Variants in FAAH2 observed in about 807,000 individuals in gnomAD.
FAAH2 encodes the protein fatty-acid amide hydrolase 2.
Under a neutral mutation model 36.9 loss-of-function variants are expected in FAAH2, and 60 were observed. That is an observed-to-expected ratio of 1.63 (90% CI 1.32 to 2.02). The LOEUF is 2.02. Ranked by LOEUF, FAAH2 falls within the 30% of genes most tolerant of loss-of-function variation. The pLI is 0.00. For missense variants in FAAH2, 689 were observed against 397.5 expected (o/e 1.73, Z -6.23); for synonymous variants, 214 against 143.8 (o/e 1.49, Z -3.49).
At chrX:57,425,767 A>G in intron 7 of FAAH2, among the ~76,000 whole-genome samples, 1 of 111,584 alleles carries the variant, frequency 9.0e-6, no homozygotes, top group South Asian at 3.7e-4. Flanking sequence ...ACACAATAGT[A>G]TAAAACTCAC....
At chrX:57,386,616 C>T (rs933041982) in intron 7 of FAAH2, among the ~76,000 whole-genome samples, 2 of 111,976 alleles carry the variant, frequency 1.8e-5, no homozygotes, top group African/African-American at 3.2e-5. Flanking sequence ...ATTCTAATAA[C>T]TTAATGTACA....
rs2147114856 is a variant in FAAH2 at position 57,432,023 on chromosome X, G to A, written c.1102G>A (p.Gly368Arg). 1 of 1,195,858 alleles carries A rather than the reference G, an allele frequency of 8.4e-7. No homozygotes were observed. The highest frequency in any genetic ancestry group is 3.0e-5 in the East Asian group (1 of 33,420). Residue 368 changes from glycine to arginine, a missense_variant, in exon 8 of 11, where the codon GGA becomes AGA. Transcript: ENST00000374900. ...QLWIAMMSAKGHDGKEPVKFV... is the reference protein window; with the variant it reads ...QLWIAMMSAKRHDGKEPVKFV... Reference sequence around the variant, plus strand: ...GTGGATCGCAATGATGTCAGCAAAGGGACATGATGGGAAGGTATTTTTACC... The same window carrying A: ...GTGGATCGCAATGATGTCAGCAAAGAGACATGATGGGAAGGTATTTTTACC...
intron 10 of FAAH2, among the ~76,000 whole-genome samples, chrX:57,457,429 A>G (rs978843735): frequency 9.0e-6 from 1 of 110,509 alleles, no homozygotes; most frequent in East Asian, 2.9e-4. Flanking sequence ...TATTCAATAT[A>G]GTACTGGATG....
At chrX:57,168,836 A>G in the FAAH2 span, among the ~76,000 whole-genome samples, 1 of 112,397 alleles carries the variant, frequency 8.9e-6, no homozygotes, top group Non-Finnish European at 1.9e-5. Flanking sequence ...TAAATACTAA[A>G]GTGTAATCTT....
At chrX:57,309,290 T>C (rs1373393963) in intron 2 of FAAH2, among the ~76,000 whole-genome samples, 2 of 111,712 alleles carry the variant, frequency 1.8e-5, no homozygotes, top group Non-Finnish European at 3.8e-5. Flanking sequence ...CCTATAATCA[T>C]AGCACCAAAA....
At chrX:57,267,163 C>T in the FAAH2 span, among the ~76,000 whole-genome samples, 3 of 112,725 alleles carry the variant, frequency 2.7e-5, no homozygotes, top group Admixed American at 9.3e-5. Context: ...CATTCCCTTG[C>T]CATAGTGCAG....
the FAAH2 span, among the ~76,000 whole-genome samples, chrX:57,131,079 CTT>C: frequency 5.5e-5 from 5 of 90,218 alleles, no homozygotes; most frequent in Admixed American, 1.3e-4. Flanking sequence ...GGGCCTATTT[CTT>C]TTTTTTTTTT....
chrX:57,409,843 T>TA (rs751583661), intron 7 of FAAH2, among the ~76,000 whole-genome samples: 128 of 110,885 alleles, frequency 1.2e-3, no homozygotes, highest in African/African-American at 2.9e-3. Context: ...TTCAGTTTTT[T>TA]AAAAAAAATC....
At chrX:57,316,080 A>G (rs770257071) in intron 3 of FAAH2, among the ~76,000 whole-genome samples, 1 of 111,647 alleles carries the variant, frequency 9.0e-6, no homozygotes, top group Non-Finnish European at 1.9e-5. Context: ...AATGTAGTAA[A>G]TCGGTAGTAT....
intron 2 of FAAH2, among the ~76,000 whole-genome samples, chrX:57,299,417 A>G (rs1292161823): frequency 8.9e-6 from 1 of 111,911 alleles, no homozygotes; most frequent in East Asian, 2.8e-4. Context: ...ACTTCATGCT[A>G]AAAACTCTCA....
the FAAH2 span, among the ~76,000 whole-genome samples, chrX:57,270,764 A>G: frequency 9.0e-6 from 1 of 111,339 alleles, no homozygotes; most frequent in African/African-American, 3.3e-5. Context: ...AAGAGAACCC[A>G]TGAGGGTCTA....
the FAAH2 span, among the ~76,000 whole-genome samples, chrX:57,152,910 T>TCC: frequency 0.1 from 10,916 of 105,688 alleles, 1,691 homozygotes; most frequent in African/African-American, 0.37. Flanking sequence ...CCACCTTGGC[T>TCC]CCCCCCCCGC....
chrX:57,274,646 G>A, the FAAH2 span, among the ~76,000 whole-genome samples: 2 of 111,653 alleles, frequency 1.8e-5, no homozygotes, highest in South Asian at 3.8e-4. Context: ...CAGAACAAAT[G>A]AGAAAAACCA....
At chrX:57,185,488 CTGTGTGTGTGTGTGTGTGTG>C in the FAAH2 span, among the ~76,000 whole-genome samples, 36 of 94,019 alleles carry the variant, frequency 3.8e-4, no homozygotes, top group African/African-American at 1.3e-3. Flanking sequence ...CTCTCTGTCT[CTGTGTGTGTGTGTGTGTGTG>C]TGTGTGTGTG....
At chrX:57,423,980 G>A (rs181057173) in intron 7 of FAAH2, among the ~76,000 whole-genome samples, 5 of 111,207 alleles carry the variant, frequency 4.5e-5, no homozygotes, top group African/African-American at 1.6e-4. Context: ...AACATCGGCC[G>A]ACACAATAGC....
chrX:57,168,896 T>A, the FAAH2 span, among the ~76,000 whole-genome samples: 1 of 112,434 alleles, frequency 8.9e-6, no homozygotes, highest in Non-Finnish European at 1.9e-5. Flanking sequence ...GTGTCATATA[T>A]CCATCCATAT....
intron 7 of FAAH2, among the ~76,000 whole-genome samples, chrX:57,411,052 T>C (rs930401746): frequency 8.9e-6 from 1 of 111,924 alleles, no homozygotes; most frequent in African/African-American, 3.2e-5. Context: ...AGCAGTTATC[T>C]TCTCTACTGT....
chrX:57,245,992 C>A, the FAAH2 span, among the ~76,000 whole-genome samples: 1 of 110,453 alleles, frequency 9.1e-6, no homozygotes, highest in Admixed American at 9.6e-5. Context: ...GACTAACAAA[C>A]AAGAAGAGAA....
At chrX:57,424,027 C>G (rs2056099786) in intron 7 of FAAH2, among the ~76,000 whole-genome samples, 1 of 111,674 alleles carries the variant, frequency 9.0e-6, no homozygotes, top group South Asian at 3.8e-4. Context: ...TGTGTGACAT[C>G]TGCTGCCTTC....
Sources: allele counts gnomAD v4.1 joint callset (sites outside exome capture counted in the v4.1 genomes callset), GRCh38; gene constraint gnomAD v4.1.1; transcripts MANE v1.5; gene names NCBI Gene and HGNC (gene_info 2026-07-23, HGNC 2026-07-21).